The following TCP1 variants were observed in gnomAD, a reference collection of about 807,000 sequenced individuals.
TCP1 encodes T-complex protein 1 subunit alpha.
A neutral mutation model predicts 54.7 loss-of-function variants in TCP1; 6 were observed. That is an observed-to-expected ratio of 0.11 (90% CI 0.06 to 0.22). TCP1 has a LOEUF of 0.22. TCP1 is among the 10% of genes least tolerant of loss of function. The pLI, the probability that TCP1 is intolerant of heterozygous loss-of-function variation, is 1.00. For missense variants in TCP1, 511 were observed against 678.2 expected (o/e 0.75, Z 2.74); for synonymous variants, 225 against 229.7 (o/e 0.98, Z 0.19).
At chr6:159,787,519 TG>T (rs1332128694) in intron 3 of TCP1, among the ~76,000 whole-genome samples, 1 of 152,240 alleles carries the variant, frequency 6.6e-6, no homozygotes. Flanking sequence ...ACAAACTAGC[TG>T]TAACTATCAA....
At chr6:159,788,294 A>T (rs564296011) in intron 1 of TCP1, 151 bp from the exon 2 acceptor site, 4 of 679,980 alleles carry the variant, frequency 5.9e-6, no homozygotes, top group Non-Finnish European at 7.3e-6. Context: ...ACCACCTACT[A>T]AGAGTGTAAA....
At chr6:159,779,295 T>C (rs1780513653) in intron 11 of TCP1, 34 bp from the exon 12 acceptor site, 1 of 1,549,874 alleles carries the variant, frequency 6.5e-7, no homozygotes, top group Non-Finnish European at 8.9e-7. Flanking sequence ...AACGGCCGCT[T>C]ACAATTTCAT....
Position 159,780,017 on chromosome 6 carries a change from G to C in TCP1, c.1168C>G (p.Arg390Gly), listed in dbSNP as rs201063084. 2 of 1,613,962 alleles carry C rather than the reference G, an allele frequency of 1.2e-6. No homozygotes were observed. The highest frequency in any genetic ancestry group is 1.3e-5 in the African/African-American group (1 of 74,904). Reference sequence around the variant, plus strand: ...ACACAAAGTGCATCATGTAAAGAGCGCTCCATCTCATCACACATGAAATCA... The same window carrying C: ...ACACAAAGTGCATCATGTAAAGAGCCCTCCATCTCATCACACATGAAATCA... ...ANDFMCDEME[R>G]SLHDALCVVK... The change falls in exon 10 of 12, where the codon CGC (arginine) becomes GGC (glycine). Residue 390 changes from arginine (R) to glycine (G), a missense_variant. This residue lies in a region of TCP1 where 305 missense variants were observed against 352.8 expected (regional missense o/e 0.86). Coordinates refer to ENST00000321394, the MANE Select transcript of TCP1 (RefSeq NM_030752.3).
Position 159,778,910 on chromosome 6 carries a change from A to T in TCP1, c.*135T>A. On this transcript the variant is annotated 3_prime_UTR_variant, in exon 12 of 12. Coordinates refer to ENST00000321394, the MANE Select transcript of TCP1 (RefSeq NM_030752.3). ...TGCAATATGTGAAATCAGAGGACCA[A>T]AGTACAGATGGAAACCATTTCCTAC... is the stretch of plus-strand genomic sequence containing the variant. 1 of 1,590,224 alleles carries T rather than the reference A, an allele frequency of 6.3e-7. No homozygotes were observed. Among genetic ancestry groups the T allele is most frequent in the East Asian group, 2.2e-5 (1 of 44,652 alleles).
chr6:159,780,711 G>A (rs908804335), intron 8 of TCP1, 145 bp from the exon 9 acceptor site: 1 of 1,257,778 alleles, frequency 8.0e-7, no homozygotes, highest in Non-Finnish European at 1.1e-6. Flanking sequence ...TTTATCCTAA[G>A]ATGGAACTGT....
rs1051061661 is a variant in TCP1 at position 159,789,279 on chromosome 6, G to A, written c.64+126C>T. ...AGAGAACGGCGGGTGGGCTGGGTCCGGCTGCGGGGCCCCGAGGCCCTTTCT... is the reference window on the plus strand; with the variant it reads ...AGAGAACGGCGGGTGGGCTGGGTCCAGCTGCGGGGCCCCGAGGCCCTTTCT... On this transcript the variant is annotated intron_variant, in intron 1 of 11. Transcript: ENST00000321394. The A allele has an allele frequency of 3.6e-6, 4 of 1,107,226 alleles. No homozygotes were observed. The African/African-American group carries it at 4.7e-5, about 13-fold the overall frequency. 68.6% of individuals were successfully genotyped at this position (1,107,226 alleles called of 1,614,324 possible). A position where few individuals can be genotyped will look rare whatever the true frequency, so the allele number is the denominator to read the frequency against.
In TCP1 at chr6:159,788,119, T is replaced by C; in HGVS notation, c.89A>G (p.Asn30Ser). Residue 30 changes from asparagine (N) to serine (S), a missense_variant, in exon 2 of 12, where the codon AAT becomes AGT. Coordinates refer to ENST00000321394, the MANE Select transcript of TCP1 (RefSeq NM_030752.3). ...TGGACCAAGAGAACTTTTTACAATA[T>C]TGGCAATCGAAGCTGCAGCCATAAC... Reference protein sequence around the residue: ...QNVMAAASIANIVKSSLGPVG... With the variant: ...QNVMAAASIASIVKSSLGPVG... The C allele has an allele frequency of 6.2e-7, 1 of 1,614,106 alleles. No individual in the cohort carries two copies. The highest frequency in any genetic ancestry group is 8.5e-7 in the Non-Finnish European group (1 of 1,180,016).
At chr6:159,781,168 T>C in intron 7 of TCP1, 58 bp from the exon 8 acceptor site, 1 of 1,354,408 alleles carries the variant, frequency 7.4e-7, no homozygotes, top group East Asian at 2.5e-5. Context: ...ATAATTTAAC[T>C]TCCATTAAGT....
intron 1 of TCP1, chr6:159,788,448 C>T: frequency 3.3e-6 from 1 of 306,672 alleles, no homozygotes; most frequent in Non-Finnish European, 6.3e-6. Context: ...AAGCCGGATG[C>T]GGCGGCGCGG....
At chr6:159,783,912 A>T in intron 7 of TCP1, 29 bp downstream of exon 7, 1 of 1,558,702 alleles carries the variant, frequency 6.4e-7, no homozygotes, top group Non-Finnish European at 8.6e-7. Flanking sequence ...ACTCACACTT[A>T]AAAGGCCAAA....
chr6:159,785,627 G>C, intron 4 of TCP1, 131 bp from the exon 5 acceptor site: 1 of 851,114 alleles, frequency 1.2e-6, no homozygotes, highest in Non-Finnish European at 2.0e-6. Flanking sequence ...ATAGGAGGAG[G>C]ACATGAAAAA....
chr6:159,789,131 G>A, intron 1 of TCP1: 1 of 461,342 alleles, frequency 2.2e-6, no homozygotes, highest in Non-Finnish European at 3.9e-6. Flanking sequence ...GCTTTCCCGC[G>A]GAGGGCGCGT....
intron 1 of TCP1, chr6:159,789,164 AC>A (rs1780783040): frequency 2.0e-6 from 1 of 508,376 alleles, no homozygotes; most frequent in Admixed American, 3.4e-5. Flanking sequence ...CCCGGACACC[AC>A]ATCCACGCGT....
At chr6:159,779,430 G>C (rs951717627) in intron 11 of TCP1, among the ~76,000 whole-genome samples, 169 bp from the exon 12 acceptor site, 2 of 152,150 alleles carry the variant, frequency 1.3e-5, no homozygotes, top group Non-Finnish European at 2.9e-5. Flanking sequence ...CACAGTTAAC[G>C]AAGACACACC....
chr6:159,782,022 G>T (rs1219974405), intron 7 of TCP1, among the ~76,000 whole-genome samples: 3 of 152,170 alleles, frequency 2.0e-5, no homozygotes, highest in African/African-American at 7.2e-5. Context: ...AACCTAAACA[G>T]AAAAGTCAAA....
At chr6:159,779,567 T>C (rs1780522110) in intron 11 of TCP1, 60 bp downstream of exon 11, 4 of 1,533,230 alleles carry the variant, frequency 2.6e-6, no homozygotes, top group African/African-American at 1.4e-5. Flanking sequence ...AATTGACTAC[T>C]ATCCTTTTTA....
intron 7 of TCP1, among the ~76,000 whole-genome samples, chr6:159,783,700 G>C (rs1314016294): frequency 6.6e-6 from 1 of 152,102 alleles, no homozygotes; most frequent in African/African-American, 2.4e-5. Context: ...CTATACTGCT[G>C]AGTTCTGTAC....
At chr6:159,785,615 A>T (rs763016380) in intron 4 of TCP1, 119 bp from the exon 5 acceptor site, 1 of 874,104 alleles carries the variant, frequency 1.1e-6, no homozygotes, top group East Asian at 2.4e-5. Context: ...CAGCCATTTC[A>T]TATAGGAGGA....
rs762614110 is a variant in TCP1 at position 159,780,378 on chromosome 6, G to A, written c.1097+65C>T. On this transcript the variant is annotated intron_variant, in intron 9 of 11. Coordinates refer to ENST00000321394, the MANE Select transcript of TCP1 (RefSeq NM_030752.3). ...GAGACTACAAGCAGCAAATAAATGG[G>A]AAGAAAACCTACTTTTACTTAACAA... 50 of 1,610,306 alleles carry A rather than the reference G, an allele frequency of 3.1e-5. No homozygotes were observed. The East Asian group carries it at 3.3e-4, about 11-fold the overall frequency.
Sources: allele counts gnomAD v4.1 joint callset (sites outside exome capture counted in the v4.1 genomes callset), GRCh38; gene constraint gnomAD v4.1.1; regional missense constraint gnomAD v4.1.1; transcripts MANE v1.5; gene names NCBI Gene and HGNC (gene_info 2026-07-23, HGNC 2026-07-21).